INTS7: variants seen among roughly 807,000 people sequenced by gnomAD.
INTS7 encodes the protein integrator complex subunit 7.
INTS7 carries 46 observed loss-of-function variants against 109.2 expected under a neutral mutation model. The observed-to-expected ratio is 0.42, with a 90% CI of 0.33 to 0.54. The LOEUF (loss-of-function observed/expected upper bound fraction) is 0.54, where lower values mean the gene tolerates loss of function less well. INTS7 is among the 20% of genes least tolerant of loss of function. The pLI is 0.07. For synonymous variants in INTS7, 412 were observed against 402.9 expected, an observed-to-expected ratio of 1.02 and a Z score of -0.27; for missense variants, 929 against 1,132.4, an observed-to-expected ratio of 0.82 and a Z score of 2.58.
chr1:211,969,610 C>T (rs1229387949), intron 13 of INTS7, among the ~76,000 whole-genome samples: 2 of 136,802 alleles, frequency 1.5e-5, no homozygotes, highest in Admixed American at 1.6e-4. Flanking sequence ...GGCCGGAGTG[C>T]AGTGGTACAA....
chr1:211,944,973 G>C lies in INTS7; in HGVS notation c.2416-4C>G. ...GGGGCGATGGTGACAGAGCAAGCTG[G>C]AATGCCAACACTCAAATAAATGCCA... On this transcript the variant is annotated splice_region_variant and splice_polypyrimidine_tract_variant and intron_variant, in intron 18 of 19. Coordinates refer to ENST00000366994, the MANE Select transcript of INTS7 (RefSeq NM_015434.4). 1.2e-6 allele frequency: 2 copies of C among 1,612,496 alleles called. No homozygotes were observed. Among genetic ancestry groups the C allele is most frequent in the East Asian group, 2.2e-5 (1 of 44,868 alleles).
At chr1:211,985,195 A>ATCCTTGC (rs1174462395) in intron 8 of INTS7, among the ~76,000 whole-genome samples, 9 of 152,206 alleles carry the variant, frequency 5.9e-5, no homozygotes, top group African/African-American at 2.2e-4. Flanking sequence ...TGTTTATCAA[A>ATCCTTGC]CTTCTAAATC....
chr1:211,990,784 T>C (rs1310847619), intron 7 of INTS7, among the ~76,000 whole-genome samples: 1 of 151,940 alleles, frequency 6.6e-6, no homozygotes, highest in South Asian at 2.1e-4. Context: ...AGAGGCTAAG[T>C]AAGATGGGGG....
chr1:211,981,783 T>C (rs1002537649), intron 9 of INTS7, among the ~76,000 whole-genome samples: 5 of 152,316 alleles, frequency 3.3e-5, no homozygotes, highest in Non-Finnish European at 5.9e-5. Context: ...GTTCTGAATA[T>C]ATTAGTTACC....
chr1:212,035,407 C>T lies in INTS7; in HGVS notation c.31G>A (p.Ala11Thr). The T allele has an allele frequency of 6.2e-7, 1 of 1,613,932 alleles. No individual in the cohort carries two copies. The highest frequency in any genetic ancestry group is 8.5e-7 in the Non-Finnish European group (1 of 1,179,760). MASNSTKSFLADAGYGEQELD... is the reference protein window; with the variant it reads MASNSTKSFLTDAGYGEQELD... ...TCCTGTTCGCCATAGCCGGCATCTG[C>T]CAGGAAAGACTTAGTTGAGTTTGAC... The change falls in exon 1 of 20, where the codon GCA (alanine) becomes ACA (threonine). Residue 11 changes from alanine (A) to threonine (T), a missense_variant. Physicochemically the swap from Ala to Thr is moderately conservative, Grantham distance 58. Coordinates refer to ENST00000366994, the MANE Select transcript of INTS7 (RefSeq NM_015434.4).
intron 7 of INTS7, among the ~76,000 whole-genome samples, chr1:212,000,298 G>A (rs1471446176): frequency 1.3e-5 from 2 of 152,124 alleles, no homozygotes; most frequent in Non-Finnish European, 2.9e-5. Flanking sequence ...GTAAAAAACT[G>A]ACAGGACAAT....
chr1:212,014,805 G>A (rs1666335742), intron 4 of INTS7, among the ~76,000 whole-genome samples: 3 of 152,170 alleles, frequency 2.0e-5, no homozygotes, highest in Admixed American at 2.0e-4. Flanking sequence ...TGGGCCTCCC[G>A]AGGTGCCGGG....
rs552200235 is a variant in INTS7, at chr1:212,003,495, G to C, written c.879+3144C>G. Among the ~76,000 whole-genome samples, 6 of 152,006 alleles carry C rather than the reference G, an allele frequency of 3.9e-5. 1 individual carries two copies. Among genetic ancestry groups the C allele is most frequent in the Admixed American group, 6.5e-5 (1 of 15,278 alleles). On this transcript the variant is annotated intron_variant, in intron 7 of 19. Coordinates refer to ENST00000366994, the MANE Select transcript of INTS7 (RefSeq NM_015434.4). ...AATATTGAGAGGGTTTACCACCACAGACTCTCACTCAAGGACCTTCCGAAG... is the reference window on the plus strand; with the variant it reads ...AATATTGAGAGGGTTTACCACCACACACTCTCACTCAAGGACCTTCCGAAG...
At chr1:211,994,615 T>C (rs1665295491) in intron 7 of INTS7, among the ~76,000 whole-genome samples, 1 of 151,542 alleles carries the variant, frequency 6.6e-6, no homozygotes, top group Non-Finnish European at 1.5e-5. Flanking sequence ...TTTTGTTTAG[T>C]AGAGATGAGG....
At chr1:212,022,555 T>A (rs1666754652) in intron 1 of INTS7, among the ~76,000 whole-genome samples, 1 of 152,204 alleles carries the variant, frequency 6.6e-6, no homozygotes, top group Non-Finnish European at 1.5e-5. Flanking sequence ...AACAGTGTCA[T>A]CAGGGAAATG....
chr1:211,989,624 C>T (rs1252490633), intron 7 of INTS7, among the ~76,000 whole-genome samples: 1 of 151,900 alleles, frequency 6.6e-6, no homozygotes, highest in Non-Finnish European at 1.5e-5. Flanking sequence ...GAGTTCGAGA[C>T]CAGCCTGGCC....
chr1:211,998,033 C>G (rs1665488971), intron 7 of INTS7, among the ~76,000 whole-genome samples: 1 of 152,120 alleles, frequency 6.6e-6, no homozygotes, highest in African/African-American at 2.4e-5. Context: ...AGACCTAGAA[C>G]AGCCAAATTT....
At chr1:212,010,127 A>G (rs1666101437) in intron 5 of INTS7, among the ~76,000 whole-genome samples, 1 of 152,196 alleles carries the variant, frequency 6.6e-6, no homozygotes, top group African/African-American at 2.4e-5. Context: ...GTGTGGCTCT[A>G]TTTCCTTTCC....
chr1:211,971,119 G>A, intron 13 of INTS7, among the ~76,000 whole-genome samples: 1 of 152,182 alleles, frequency 6.6e-6, no homozygotes, highest in Non-Finnish European at 1.5e-5. Context: ...TTCTCTACTT[G>A]AGTACTACTG....
At chr1:211,963,207 A>G (rs1056055003) in intron 16 of INTS7, among the ~76,000 whole-genome samples, 7 of 152,190 alleles carry the variant, frequency 4.6e-5, no homozygotes, top group African/African-American at 1.4e-4. Context: ...AGAAATATGA[A>G]CACCTCTATG....
At position 211,944,988 on chromosome 1, in the gene INTS7, A is replaced by T; in HGVS notation, c.2416-19T>A. On this transcript the variant is annotated intron_variant, in intron 18 of 19. Transcript: ENST00000366994. ...GAGCAAGCTGGAATGCCAACACTCA[A>T]ATAAATGCCAACAACCAAGAGCAAG... 1 of 1,610,164 alleles carries T rather than the reference A, an allele frequency of 6.2e-7. No homozygotes were observed.
intron 13 of INTS7, among the ~76,000 whole-genome samples, chr1:211,971,355 T>C (rs1459959506): frequency 6.6e-6 from 1 of 152,236 alleles, no homozygotes; most frequent in East Asian, 1.9e-4. Context: ...CAGAGCAGTA[T>C]GTTGGTAACA....
chr1:211,983,674 T>A (rs963754096), intron 8 of INTS7, among the ~76,000 whole-genome samples: 1 of 152,168 alleles, frequency 6.6e-6, no homozygotes, highest in Non-Finnish European at 1.5e-5. Flanking sequence ...TTGTTTCTCA[T>A]ACCAAGGGTG....
chr1:211,990,243 C>T (rs1665084890), intron 7 of INTS7, among the ~76,000 whole-genome samples: 1 of 151,054 alleles, frequency 6.6e-6, no homozygotes, highest in South Asian at 2.1e-4. Context: ...TAATGTCCAT[C>T]AGTGGGGAAC....
Sources: allele counts gnomAD v4.1 joint callset (sites outside exome capture counted in the v4.1 genomes callset), GRCh38; gene constraint gnomAD v4.1.1; transcripts MANE v1.5; gene names NCBI Gene and HGNC (gene_info 2026-07-23, HGNC 2026-07-21).